The following SZT2 variants were observed in gnomAD, a reference collection of about 807,000 sequenced individuals.
The protein encoded by SZT2 is SZT2 subunit of KICSTOR complex, also known as KICSTOR complex protein SZT2.
In SZT2, 216 loss-of-function variants were observed where a neutral mutation model predicts 404.2. That is an observed-to-expected ratio of 0.53 (90% confidence interval 0.48 to 0.60). The LOEUF (loss-of-function observed/expected upper bound fraction) is 0.60. SZT2 is among the 20% of genes least tolerant of loss of function. The pLI, the probability that SZT2 is intolerant of heterozygous loss-of-function variation, is 0.00. For missense variants in SZT2, 3,857 were observed against 4,459.2 expected (o/e 0.86, Z 3.85); for synonymous variants, 1,693 against 1,749.9 (o/e 0.97, Z 0.81).
In SZT2 at chr1:43,420,812, T is replaced by A. The variant is rs1399430388; in HGVS notation, c.1325T>A (p.Val442Glu). Residue 442 changes from valine (V) to glutamate (E), a missense_variant, in exon 10 of 72, where the codon GTG (valine) becomes GAG (glutamate). Around this residue, in one of 7 missense-constraint regions of SZT2, gnomAD observed 536 missense variants for 637.4 expected, o/e 0.84. Coordinates refer to ENST00000634258, the MANE Select transcript of SZT2 (RefSeq NM_001365999.1). This position sits in a 1 kb window ranked among gnomAD's most constrained non-coding sequence, Gnocchi z 5.1. ...AAACACAACATGCGCATTGAGTATG[T>A]GGCTATGGCACCCTGGCCCCTGGAG... ...LWKHNMRIEY[V>E]AMAPWPLEPE... 6.3e-7 allele frequency: 1 copy of A among 1,598,442 alleles called. No homozygotes were observed. Among genetic ancestry groups the A allele is most frequent in the South Asian group, 1.1e-5 (1 of 91,084 alleles).
chr1:43,417,617 G>C (rs914352416), intron 7 of SZT2, among the ~76,000 whole-genome samples: 2 of 152,234 alleles, frequency 1.3e-5, no homozygotes, highest in African/African-American at 2.4e-5. Context: ...AGATTCATTT[G>C]TAAATGGAGA....
chr1:43,416,365 G>T (rs1259592386), intron 6 of SZT2, among the ~76,000 whole-genome samples, 170 bp from the exon 7 acceptor site: 1 of 152,168 alleles, frequency 6.6e-6, no homozygotes, highest in African/African-American at 2.4e-5. Context: ...AGAAGCAGGA[G>T]GGTAAGGGAG....
At chr1:43,446,604 C>T in intron 65 of SZT2, 188 bp downstream of exon 65, 1 of 704,242 alleles carries the variant, frequency 1.4e-6, no homozygotes, top group East Asian at 2.7e-5. Flanking sequence ...ACAAGGCTGA[C>T]CCCATCGGTC....
Position 43,439,627 on chromosome 1 carries a change from C to T in SZT2, c.6900C>T (p.Ala2300=), listed in dbSNP as rs766213176. 1 of 1,613,864 alleles carries T rather than the reference C, an allele frequency of 6.2e-7. No homozygotes were observed. Among genetic ancestry groups the T allele is most frequent in the African/African-American group, 1.3e-5 (1 of 74,938 alleles). Residue 2300 remains alanine (A), a synonymous_variant, in exon 50 of 72, where the codon GCC becomes GCT. Coordinates refer to ENST00000634258, the MANE Select transcript of SZT2 (RefSeq NM_001365999.1). The surrounding 1 kb of genome is among the most constrained non-coding windows in gnomAD (Gnocchi z 4.2). ...GGKGVACITL[A]FVDEGGAPLS... is the part of the protein sequence containing the mutation. ...CAGGGGTTGCCTGCATCACTCTAGCCTTTGTGGATGAAGGAGGGGCCCCCT... is the reference window on the plus strand; with the variant it reads ...CAGGGGTTGCCTGCATCACTCTAGCTTTTGTGGATGAAGGAGGGGCCCCCT...
In SZT2 at chr1:43,437,020, G is replaced by GTC. The variant is rs1654527642; in HGVS notation, c.6035-150_6035-149dup. On this transcript the variant is annotated intron_variant, in intron 42 of 71. Coordinates refer to ENST00000634258, the MANE Select transcript of SZT2 (RefSeq NM_001365999.1). This position sits in a 1 kb window ranked among gnomAD's most constrained non-coding sequence, Gnocchi z 5.3. ...TAAGGGCATGCATCTGCCTGGCCCT[G>GTC]TCGTGTTACCCAGAATGATCATCAT... 9.7e-7 allele frequency: 1 copy of GTC among 1,027,948 alleles called. No individual in the cohort carries two copies. The highest frequency in any genetic ancestry group is 1.6e-5 in the African/African-American group (1 of 62,400). 63.7% of individuals were successfully genotyped at this position (1,027,948 alleles called of 1,614,324 possible).
At position 43,439,480 on chromosome 1, in the gene SZT2, G is replaced by A. The variant is rs1654830087; in HGVS notation, c.6877+38G>A. ...GCACGGGCCTGTGGCACCACCAGGT[G>A]AGGGAAAGCCTTTTGTCATCCTATT... On this transcript the variant is annotated intron_variant, in intron 49 of 71. Transcript: ENST00000634258. This position sits in a 1 kb window ranked among gnomAD's most constrained non-coding sequence, Gnocchi z 4.2. 3 of 1,598,330 alleles carry A rather than the reference G, an allele frequency of 1.9e-6. No homozygotes were observed. Among genetic ancestry groups the A allele is most frequent in the African/African-American group, 2.7e-5 (2 of 74,592 alleles).
intron 46 of SZT2, 165 bp downstream of exon 46, chr1:43,438,067 C>A: frequency 1.5e-6 from 1 of 664,082 alleles, no homozygotes; most frequent in Non-Finnish European, 2.6e-6. Flanking sequence ...AGGCTCCAGA[C>A]CCTCTGGGAC....
intron 1 of SZT2, among the ~76,000 whole-genome samples, chr1:43,395,184 G>A (rs1480191632): frequency 1.3e-5 from 2 of 152,178 alleles, no homozygotes; most frequent in East Asian, 1.9e-4. Flanking sequence ...CCTCTGTCTC[G>A]TTTACCCCCA....
At position 43,391,050 on chromosome 1, in the gene SZT2, C is replaced by T. The variant is rs114183624; in HGVS notation, c.27+1055C>T. On this transcript the variant is annotated intron_variant, in intron 1 of 71. Coordinates refer to ENST00000634258, the MANE Select transcript of SZT2 (RefSeq NM_001365999.1). ...TAACAAAGTAAGCCGGGCGCAGTGG[C>T]TTACACCTGTAATCCCAACACTGGG... is the stretch of plus-strand genomic sequence containing the variant. Among the ~76,000 whole-genome samples, 448 of 152,302 alleles carry T rather than the reference C, an allele frequency of 2.9e-3. 5 individuals carry two copies. The highest frequency in any genetic ancestry group is 0.01 in the African/African-American group (427 of 41,562).
chr1:43,443,042 A>G lies in SZT2; in HGVS notation c.8375A>G (p.Tyr2792Cys), dbSNP rs1261615393. 1.2e-6 allele frequency: 2 copies of G among 1,613,624 alleles called. No homozygotes were observed. The highest frequency in any genetic ancestry group is 1.1e-5 in the South Asian group (1 of 91,056). ...CCCAGACCTCCTGATCCTGTCACCT[A>G]CCATGGACAACAGTTCCTAGAGATC... is the stretch of plus-strand genomic sequence containing the variant. ...PVPRPPDPVTYHGQQFLEIKM... is the reference protein window; with the variant it reads ...PVPRPPDPVTCHGQQFLEIKM... The change falls in exon 59 of 72, where the codon TAC becomes TGC. Residue 2792 changes from tyrosine (Y) to cysteine (C), a missense_variant. This residue lies in a region of SZT2 where 717 missense variants were observed against 868.2 expected (regional missense o/e 0.83). Coordinates refer to ENST00000634258, the MANE Select transcript of SZT2 (RefSeq NM_001365999.1).
intron 4 of SZT2, chr1:43,406,548 C>T (rs1414101793): frequency 6.5e-6 from 1 of 153,638 alleles, no homozygotes; most frequent in Non-Finnish European, 1.5e-5. Context: ...TAGGGAACTA[C>T]ATATTATTCA....
At position 43,430,030 on chromosome 1, in the gene SZT2, G is replaced by A; in HGVS notation, c.4328G>A (p.Ser1443Asn). 1 of 1,614,178 alleles carries A rather than the reference G, an allele frequency of 6.2e-7. No individual in the cohort carries two copies. Residue 1443 changes from serine to asparagine, a missense_variant, in exon 30 of 72, where the codon AGT becomes AAT. Ser to Asn is a conservative substitution (Grantham distance 46, BLOSUM62 1). This residue lies in a region of SZT2 where 1,725 missense variants were observed against 1,881.0 expected (regional missense o/e 0.92). Coordinates refer to ENST00000634258, the MANE Select transcript of SZT2 (RefSeq NM_001365999.1). ...SVIQEKFLEISRLHFRTVPSN... is the reference protein window; with the variant it reads ...SVIQEKFLEINRLHFRTVPSN... ...CAACAGGAGAAGTTCCTAGAGATCA[G>A]TCGTCTCCACTTCCGCACAGTGCCT...
intron 40 of SZT2, among the ~76,000 whole-genome samples, 175 bp from the exon 41 acceptor site, chr1:43,434,211 C>G (rs1326417975): frequency 6.6e-6 from 1 of 152,236 alleles, no homozygotes; most frequent in East Asian, 1.9e-4. Flanking sequence ...CCATTTCCCA[C>G]CAGGTTTACC....
Position 43,453,831 on chromosome 1 carries a change from CAAAGGCG to C in SZT2, c.*3352_*3358del. On this transcript the variant is annotated 3_prime_UTR_variant, in exon 72 of 72. Coordinates refer to ENST00000634258, the MANE Select transcript of SZT2 (RefSeq NM_001365999.1). ...CGGGCCGGGCGGAGTCCGCGGGATC[CAAAGGCG>C]GCGGGCGGCGGGCGGCGGGCGGCGG... 1.7e-6 allele frequency: 2 copies of C among 1,206,192 alleles called. No individual in the cohort carries two copies. The highest frequency in any genetic ancestry group is 2.1e-6 in the Non-Finnish European group (2 of 972,298). The allele number at this position is 1,206,192 out of a possible 1,614,324, so 74.7% of individuals were successfully genotyped here. A position where few individuals can be genotyped will look rare whatever the true frequency, so the allele number is the denominator to read the frequency against.
chr1:43,406,230 G>T, intron 4 of SZT2: 1 of 309,936 alleles, frequency 3.2e-6, no homozygotes, highest in Admixed American at 4.5e-5. Flanking sequence ...TGGGATTACA[G>T]GTGCCCACTA....
Position 43,443,748 on chromosome 1 carries a change from G to A in SZT2, c.8777G>A (p.Ser2926Asn). The change falls in exon 62 of 72, where the codon AGC (serine) becomes AAC (asparagine). Residue 2926 changes from serine to asparagine, a missense_variant. By Grantham distance (46) the Ser-to-Asn change is conservative. Transcript: ENST00000634258. The stretch of plus-strand genomic sequence containing the variant: ...CAGCAATATGTGCAGTATCTGCAGA[G>A]CATAGGTTTTGTGCTGGTACCACTG... ...FLQQYVQYLQ[S>N]IGFVLVPLRP... The A allele has an allele frequency of 3.1e-6, 5 of 1,614,182 alleles. No homozygotes were observed. The highest frequency in any genetic ancestry group is 4.2e-6 in the Non-Finnish European group (5 of 1,180,032).
At chr1:43,407,827 CTTTTTTTTTTT>C (rs1273177130) in intron 4 of SZT2, among the ~76,000 whole-genome samples, 2 of 94,466 alleles carry the variant, frequency 2.1e-5, no homozygotes, top group African/African-American at 7.6e-5. Context: ...AAATTCTAAC[CTTTTTTTTTTT>C]TTTTTTTTTT....
chr1:43,447,467 T>G, intron 66 of SZT2, 78 bp from the exon 67 acceptor site: 1 of 1,550,532 alleles, frequency 6.4e-7, no homozygotes, highest in South Asian at 1.2e-5. Context: ...CCTTAAAGAC[T>G]CCCATCCCTG....
At position 43,446,966 on chromosome 1, in the gene SZT2, G is replaced by A. The variant is rs778841345; in HGVS notation, c.9084G>A (p.Leu3028=). 5.6e-6 allele frequency: 9 copies of A among 1,612,116 alleles called. No individual in the cohort carries two copies. The highest frequency in any genetic ancestry group is 7.6e-6 in the Non-Finnish European group (9 of 1,179,320). ...GQAVNSQLSM[L]FTEECDKVRD... ...TGCTGCCTCCCCAGCTGTCCATGCTGTTCACAGAGGAGTGTGACAAGGTGC... is the reference window on the plus strand; with the variant it reads ...TGCTGCCTCCCCAGCTGTCCATGCTATTCACAGAGGAGTGTGACAAGGTGC... The change falls in exon 66 of 72, where the codon CTG becomes CTA. Residue 3028 remains leucine (L), a synonymous_variant. Transcript: ENST00000634258.
Sources: gnomAD v4.1 joint callset for allele counts (sites outside exome capture counted in the v4.1 genomes callset) on GRCh38, gnomAD v4.1.1 for gene constraint, gnomAD v4.1.1 regional missense constraint, Gnocchi (gnomAD v3.1) non-coding constraint, MANE v1.5 for transcripts, NCBI Gene and HGNC (gene_info 2026-07-23, HGNC 2026-07-21) for gene names.